Variants in AK5 observed in about 807,000 individuals in gnomAD.
AK5 encodes the protein adenylate kinase 5.
AK5 carries 27 observed loss-of-function variants against 69.5 expected under a neutral mutation model. The observed-to-expected ratio is 0.39, with a 90% CI of 0.29 to 0.54. AK5 has a LOEUF of 0.54. Among genes scored for constraint, AK5 ranks in the 20% least tolerant of loss-of-function variants. AK5 has a pLI of 0.71. For synonymous variants in AK5, 260 were observed against 244.4 expected, an observed-to-expected ratio of 1.06 and a Z score of -0.60; for missense variants, 531 against 700.4, an observed-to-expected ratio of 0.76 and a Z score of 2.73.
At chr1:77,312,624 A>AAAAAAC (rs1163996922) in intron 5 of AK5, among the ~76,000 whole-genome samples, 3 of 151,976 alleles carry the variant, frequency 2.0e-5, no homozygotes, top group Non-Finnish European at 4.4e-5. Flanking sequence ...AAAAAAAAAA[A>AAAAAAC]AAAAACAAAA....
At chr1:77,486,011 A>T (rs1378168579) in intron 9 of AK5, among the ~76,000 whole-genome samples, 1 of 152,132 alleles carries the variant, frequency 6.6e-6, no homozygotes, top group Non-Finnish European at 1.5e-5. Flanking sequence ...GCTATCCAGG[A>T]GCCTGAGACA....
intron 1 of AK5, among the ~76,000 whole-genome samples, chr1:77,284,486 AT>A (rs755546006): frequency 1.1e-4 from 16 of 152,138 alleles, no homozygotes; most frequent in Non-Finnish European, 2.4e-4. Context: ...ACCTTTTCAG[AT>A]TTTTTCCTAA....
chr1:77,407,086 A>T (rs1649709255), intron 6 of AK5, among the ~76,000 whole-genome samples: 1 of 126,614 alleles, frequency 7.9e-6, no homozygotes, highest in Non-Finnish European at 1.6e-5. Flanking sequence ...GAGGTAAAAA[A>T]AAAAAAAAAA....
intron 6 of AK5, chr1:77,346,085 G>C (rs2100397838): frequency 6.6e-6 from 1 of 152,296 alleles, no homozygotes; most frequent in East Asian, 1.9e-4. Flanking sequence ...TCGTTAAGTG[G>C]AAATGCATCA....
intron 12 of AK5, among the ~76,000 whole-genome samples, chr1:77,522,685 T>C (rs1658058467): frequency 1.3e-5 from 2 of 152,116 alleles, no homozygotes; most frequent in African/African-American, 4.8e-5. Context: ...CCATTGTGGC[T>C]GCCACGTATT....
At chr1:77,450,068 C>A (rs1653044812) in intron 8 of AK5, among the ~76,000 whole-genome samples, 1 of 152,144 alleles carries the variant, frequency 6.6e-6, no homozygotes, top group African/African-American at 2.4e-5. Flanking sequence ...AGGGCAGGGG[C>A]AAAATGCTTC....
At chr1:77,403,287 G>C (rs1473832444) in intron 6 of AK5, among the ~76,000 whole-genome samples, 1 of 152,144 alleles carries the variant, frequency 6.6e-6, no homozygotes, top group Non-Finnish European at 1.5e-5. Flanking sequence ...CTGTGCAGAA[G>C]CTCTTTAGTT....
chr1:77,363,323 C>T (rs1351881492), intron 6 of AK5, among the ~76,000 whole-genome samples: 1 of 152,180 alleles, frequency 6.6e-6, no homozygotes, highest in Non-Finnish European at 1.5e-5. Context: ...CCACTGCTTC[C>T]CACAGCCTCT....
At position 77,441,148 on chromosome 1, in the gene AK5, G is replaced by A. The variant is rs1045342891; in HGVS notation, c.1059+23433G>A. Among the ~76,000 whole-genome samples, 4 of 151,936 alleles carry A rather than the reference G, an allele frequency of 2.6e-5. 1 individual carries two copies. The East Asian group carries it at 7.7e-4, about 29-fold the overall frequency. ...TCTTTAGCTGCGGGATTTCTGTTTGGTTTTTTAAATGATATCTCTGTTGTA... is the reference window on the plus strand; with the variant it reads ...TCTTTAGCTGCGGGATTTCTGTTTGATTTTTTAAATGATATCTCTGTTGTA... On this transcript the variant is annotated intron_variant, in intron 8 of 13. Coordinates refer to ENST00000354567, the MANE Select transcript of AK5 (RefSeq NM_174858.3).
At chr1:77,298,652 A>G (rs867377132) in intron 5 of AK5, among the ~76,000 whole-genome samples, 3 of 145,626 alleles carry the variant, frequency 2.1e-5, no homozygotes, top group Non-Finnish European at 4.6e-5. Flanking sequence ...AAAAAAAAAA[A>G]CCACACACAC....
intron 5 of AK5, among the ~76,000 whole-genome samples, chr1:77,305,919 T>C (rs1440121234): frequency 6.6e-6 from 1 of 152,168 alleles, no homozygotes; most frequent in African/African-American, 2.4e-5. Flanking sequence ...ATTGAATCTA[T>C]AGATTGCTTG....
intron 6 of AK5, among the ~76,000 whole-genome samples, chr1:77,368,239 A>ATGT (rs376347640): frequency 0.45 from 7,301 of 16,158 alleles, 995 homozygotes; most frequent in East Asian, 0.62. Flanking sequence ...ATATATATAT[A>ATGT]TATATATATA....
intron 5 of AK5, among the ~76,000 whole-genome samples, chr1:77,325,205 C>G (rs1474917833): frequency 6.7e-6 from 1 of 149,364 alleles, no homozygotes; most frequent in African/African-American, 2.5e-5. Context: ...CGGGGTTTCA[C>G]CACGTTGGTC....
intron 13 of AK5, among the ~76,000 whole-genome samples, chr1:77,539,399 G>A (rs535202798): frequency 3.2e-4 from 49 of 152,264 alleles, no homozygotes; most frequent in African/African-American, 1.0e-3. Context: ...TCTCCAGCCC[G>A]GACTGCAGAG....
chr1:77,297,984 T>C, intron 5 of AK5, 37 bp downstream of exon 5: 1 of 1,477,420 alleles, frequency 6.8e-7, no homozygotes, highest in Non-Finnish European at 9.2e-7. Flanking sequence ...TGAACTACTT[T>C]TTGCTTAAAA....
At chr1:77,328,867 A>G (rs1013735988) in intron 5 of AK5, among the ~76,000 whole-genome samples, 15 of 152,198 alleles carry the variant, frequency 9.9e-5, no homozygotes, top group Non-Finnish European at 2.1e-4. Context: ...GGTAATTTAT[A>G]AAGAACGGAA....
intron 6 of AK5, among the ~76,000 whole-genome samples, chr1:77,391,310 C>A (rs1648405976): frequency 6.6e-6 from 1 of 151,086 alleles, no homozygotes. Flanking sequence ...TAGCTGCCAA[C>A]ACTCACAGCA....
intron 8 of AK5, among the ~76,000 whole-genome samples, chr1:77,455,340 C>T (rs74092642): frequency 0.046 from 6,934 of 152,222 alleles, 405 homozygotes; most frequent in East Asian, 0.19. Context: ...ATCATGAAGA[C>T]ATGAGTGCCT....
chr1:77,531,834 C>T (rs530758801), intron 12 of AK5, among the ~76,000 whole-genome samples: 1 of 133,794 alleles, frequency 7.5e-6, no homozygotes, highest in South Asian at 2.4e-4. Flanking sequence ...GCTGGTGCCG[C>T]GCAGGAGACC....
Sources: gnomAD v4.1 joint callset for allele counts (sites outside exome capture counted in the v4.1 genomes callset) on GRCh38, gnomAD v4.1.1 for gene constraint, MANE v1.5 for transcripts, NCBI Gene and HGNC (gene_info 2026-07-23, HGNC 2026-07-21) for gene names.